Variants in BRI3 observed in about 807,000 individuals in gnomAD.
BRI3 encodes membrane protein BRI3.
A neutral mutation model predicts 12.8 loss-of-function variants in BRI3; 6 were observed. That is an observed-to-expected ratio of 0.47 (90% confidence interval 0.26 to 0.93). The LOEUF is 0.93. BRI3 is among the 40% of genes least tolerant of loss of function. The pLI is 0.15. For missense variants in BRI3, 134 were observed against 171.1 expected (o/e 0.78, Z 1.21); for synonymous variants, 91 against 76.1 (o/e 1.20, Z -1.02).
exon 2 of BRI3, chr7:98,309,680 GGCTCTCTCTCACAAACA>G (rs2116868896): frequency 6.6e-6 from 1 of 152,312 alleles, no homozygotes; most frequent in East Asian, 1.9e-4. Flanking sequence ...TGTGGTCCAG[GGCTCTCTCTCACAAACA>G]GCTTGACTGC....
At chr7:98,292,400 C>T, downstream of BRI3, 4 of 532,722 alleles carry the variant, frequency 7.5e-6, no homozygotes, top group Non-Finnish European at 1.0e-5. Context: ...GTAGAGACTC[C>T]TGACCTCAGG....
chr7:98,320,410 G>T, the BRI3 span: 1 of 746,506 alleles, frequency 1.3e-6, no homozygotes, highest in Non-Finnish European at 2.2e-6. Context: ...ATCTTGGCCC[G>T]CTGCAACCTC....
chr7:98,292,668 A>G (rs1800017784), downstream of BRI3: 2 of 1,551,628 alleles, frequency 1.3e-6, no homozygotes, highest in East Asian at 4.9e-5. Context: ...CTTTACACGT[A>G]TCCTTTGAGA....
the BRI3 span, chr7:98,320,361 GTT>G: frequency 3.1e-6 from 4 of 1,308,434 alleles, no homozygotes; most frequent in Admixed American, 8.3e-5. Context: ...TTGAAATGGA[GTT>G]TTTGCTCTGT....
chr7:98,284,096 C>G (rs1016998399), intron 2 of BRI3, among the ~76,000 whole-genome samples: 13 of 152,216 alleles, frequency 8.5e-5, no homozygotes, highest in African/African-American at 3.1e-4. Flanking sequence ...GCTCGGCCCT[C>G]AGAGGCTGTA....
At chr7:98,300,265 CCT>C (rs1800366125) in intron 1 of BRI3, among the ~76,000 whole-genome samples, 1 of 152,132 alleles carries the variant, frequency 6.6e-6, no homozygotes, top group Non-Finnish European at 1.5e-5. Flanking sequence ...AGCCATTCCC[CCT>C]GCTCCCTGCT....
downstream of BRI3, among the ~76,000 whole-genome samples, chr7:98,312,758 C>G (rs1018862287): frequency 6.6e-6 from 1 of 151,886 alleles, no homozygotes; most frequent in Non-Finnish European, 1.5e-5. Flanking sequence ...GGAAGAGGGA[C>G]TGGGTGAGTG....
intron 2 of BRI3, chr7:98,282,769 C>G: frequency 3.2e-6 from 1 of 313,570 alleles, no homozygotes; most frequent in South Asian, 4.4e-5. Context: ...CGTCTTTGTT[C>G]TGGGACTTGC....
chr7:98,315,590 C>T, the BRI3 span: 20 of 1,453,584 alleles, frequency 1.4e-5, no homozygotes, highest in Admixed American at 1.8e-4. Flanking sequence ...TTCACTCTGA[C>T]GAGAAGTAAC....
upstream of BRI3, among the ~76,000 whole-genome samples, chr7:98,305,763 C>G (rs1800632964): frequency 6.6e-6 from 1 of 152,180 alleles, no homozygotes; most frequent in African/African-American, 2.4e-5. Context: ...CCTCATGGGT[C>G]TGCTGTGAGA....
chr7:98,305,058 T>G (rs865988659), upstream of BRI3, among the ~76,000 whole-genome samples: 2,561 of 145,842 alleles, frequency 0.018, 88 homozygotes, highest in African/African-American at 0.062. Context: ...TTTTTTTTTT[T>G]TTTTTTTTTT....
At chr7:98,306,549 G>A in exon 1 of BRI3, 1 of 1,614,072 alleles carries the variant, frequency 6.2e-7, no homozygotes, top group East Asian at 2.2e-5. Context: ...GACCCTATCA[G>A]CAGTAGACAT....
chr7:98,315,428 A>T (rs1211415910), downstream of BRI3: 30 of 1,371,390 alleles, frequency 2.2e-5, no homozygotes, highest in Non-Finnish European at 2.8e-5. Flanking sequence ...AAAGTTATTA[A>T]TACGCTCAAG....
downstream of BRI3, among the ~76,000 whole-genome samples, chr7:98,297,370 C>A (rs552137990): frequency 2.0e-5 from 3 of 152,292 alleles, no homozygotes; most frequent in East Asian, 3.9e-4. Context: ...GGGTCCCGGG[C>A]AGCTCGGAGC....
chr7:98,304,311 G>C (rs763264973), upstream of BRI3: 16 of 1,611,192 alleles, frequency 9.9e-6, no homozygotes, highest in Non-Finnish European at 1.4e-5. Flanking sequence ...GTAGTCGGGT[G>C]GGGGGATGAC....
chr7:98,303,781 C>T (rs980834861), upstream of BRI3, among the ~76,000 whole-genome samples: 3 of 152,156 alleles, frequency 2.0e-5, no homozygotes, highest in Non-Finnish European at 2.9e-5. Context: ...TCCACAGTGC[C>T]TGGGAGTAAA....
chr7:98,314,031 G>GCT (rs1800984146), downstream of BRI3, among the ~76,000 whole-genome samples: 1 of 143,242 alleles, frequency 7.0e-6, no homozygotes. Context: ...TGTTGCCCAG[G>GCT]CTGAAGTGCA....
chr7:98,298,486 G>A (rs1262467977), intron 1 of BRI3, among the ~76,000 whole-genome samples: 3 of 151,874 alleles, frequency 2.0e-5, no homozygotes, highest in Non-Finnish European at 2.9e-5. Flanking sequence ...AGTGGCGGGC[G>A]CCTGTAGTCC....
the BRI3 span, chr7:98,317,099 T>C: frequency 7.9e-7 from 1 of 1,268,748 alleles, no homozygotes; most frequent in African/African-American, 1.5e-5. Context: ...ATGATCCTAC[T>C]GCCTCGGCCT....
Sources: allele counts gnomAD v4.1 joint callset (sites outside exome capture counted in the v4.1 genomes callset), GRCh38; gene constraint gnomAD v4.1.1; transcripts MANE v1.5; gene names NCBI Gene and HGNC (gene_info 2026-07-23, HGNC 2026-07-21).